The following PLEKHA5 variants were observed in gnomAD, a reference collection of about 807,000 sequenced individuals.
The protein encoded by PLEKHA5 is pleckstrin homology domain containing A5, also known as pleckstrin homology domain-containing family A member 5.
A neutral mutation model predicts 181.9 loss-of-function variants in PLEKHA5; 55 were observed. The ratio of observed to expected loss-of-function variants is 0.30; its 90% CI spans 0.24 to 0.38. The LOEUF (loss-of-function observed/expected upper bound fraction) is 0.38. PLEKHA5 is among the 10% of genes least tolerant of loss of function. The pLI, the probability that PLEKHA5 is intolerant of heterozygous loss-of-function variation, is 1.00. For missense variants in PLEKHA5, 1,432 were observed against 1,549.5 expected (o/e 0.92, Z 1.27); for synonymous variants, 535 against 529.4 (o/e 1.01, Z -0.15).
Position 19,348,469 on chromosome 12 carries a change from G to C in PLEKHA5, c.2969G>C (p.Gly990Ala). The change falls in exon 25 of 32, where the codon GGA (glycine) becomes GCA (alanine). Residue 990 changes from glycine to alanine, a missense_variant. Gly to Ala is a moderately conservative substitution (Grantham distance 60, BLOSUM62 0). Around this residue, in one of 2 missense-constraint regions of PLEKHA5, gnomAD observed 1,143 missense variants for 1,168.4 expected, o/e 0.98. Coordinates refer to ENST00000429027, the MANE Select transcript of PLEKHA5 (RefSeq NM_001256470.2). ...GTGGCAGAAGTTGATGAATCTAATG[G>C]AGAAGAAAAATCAGAACCTGTTTCA... is the stretch of plus-strand genomic sequence containing the variant. ...TTVAEVDESN[G>A]EEKSEPVSEI... 1 of 1,584,446 alleles carries C rather than the reference G, an allele frequency of 6.3e-7. No homozygotes were observed.
At chr12:19,269,931 A>G in intron 9 of PLEKHA5, 46 bp downstream of exon 9, 2 of 993,062 alleles carry the variant, frequency 2.0e-6, no homozygotes, top group Non-Finnish European at 3.2e-6. Context: ...CTTCCATTTT[A>G]TTCCATGCCT....
intron 3 of PLEKHA5, among the ~76,000 whole-genome samples, chr12:19,219,916 A>C (rs2152292096): frequency 6.6e-6 from 1 of 152,310 alleles, no homozygotes; most frequent in East Asian, 1.9e-4. Context: ...TAATACTTTC[A>C]AAACAATTTT....
chr12:19,368,497 A>G (rs575783079), intron 30 of PLEKHA5, among the ~76,000 whole-genome samples: 33 of 151,714 alleles, frequency 2.2e-4, no homozygotes, highest in Admixed American at 6.6e-4. Flanking sequence ...CCCTGTCTCA[A>G]AAAATAAATA....
chr12:19,300,268 A>T (rs910236720), intron 15 of PLEKHA5, among the ~76,000 whole-genome samples: 2 of 152,196 alleles, frequency 1.3e-5, no homozygotes, highest in Non-Finnish European at 2.9e-5. Flanking sequence ...AAGTTAATGG[A>T]TCATTCTGTT....
chr12:19,350,589 C>G (rs1300908019), intron 25 of PLEKHA5, among the ~76,000 whole-genome samples: 2 of 151,996 alleles, frequency 1.3e-5, no homozygotes, highest in African/African-American at 4.8e-5. Context: ...GCCAACATGG[C>G]GAAGCCCCAT....
intron 3 of PLEKHA5, among the ~76,000 whole-genome samples, chr12:19,172,296 A>G (rs1275184384): frequency 6.6e-6 from 1 of 152,160 alleles, no homozygotes; most frequent in African/African-American, 2.4e-5. Flanking sequence ...TGTCCGCCCC[A>G]TTATAATCTT....
At chr12:19,229,652 AAAG>A (rs2060181753) in intron 3 of PLEKHA5, among the ~76,000 whole-genome samples, 1 of 152,152 alleles carries the variant, frequency 6.6e-6, no homozygotes, top group Non-Finnish European at 1.5e-5. Context: ...GATATATCGC[AAAG>A]AGCGAAAGAA....
At chr12:19,239,187 G>C (rs1198545203) in intron 3 of PLEKHA5, among the ~76,000 whole-genome samples, 6 of 152,152 alleles carry the variant, frequency 3.9e-5, no homozygotes, top group African/African-American at 7.2e-5. Flanking sequence ...AGGATATCTT[G>C]ATCTTTGCAT....
chr12:19,243,197 T>C (rs1364635200), intron 3 of PLEKHA5: 1 of 152,194 alleles, frequency 6.6e-6, no homozygotes, highest in East Asian at 1.9e-4. Context: ...GAACAGAAGA[T>C]GAAAGGCAGA....
chr12:19,151,618 A>G (rs965009993), intron 3 of PLEKHA5: 4 of 152,164 alleles, frequency 2.6e-5, no homozygotes, highest in African/African-American at 9.7e-5. Flanking sequence ...AGCAGCTTCC[A>G]TATTTTCACT....
At chr12:19,367,671 C>T (rs552855752) in intron 30 of PLEKHA5, among the ~76,000 whole-genome samples, 6 of 152,122 alleles carry the variant, frequency 3.9e-5, no homozygotes, top group African/African-American at 1.4e-4. Flanking sequence ...GCTCCGCCTC[C>T]TGGGTTCATG....
rs568033515 is a variant in PLEKHA5 at position 19,346,908 on chromosome 12, T to G, written c.2710-86T>G. On this transcript the variant is annotated intron_variant, in intron 23 of 31. Coordinates refer to ENST00000429027, the MANE Select transcript of PLEKHA5 (RefSeq NM_001256470.2). Reference sequence around the variant, plus strand: ...TCCCTTTTAGTATCTTAAAGTAAATTTAAGTTAATATACCATTGCAAAGAA... The same window carrying G: ...TCCCTTTTAGTATCTTAAAGTAAATGTAAGTTAATATACCATTGCAAAGAA... 28 of 870,154 alleles carry G rather than the reference T, an allele frequency of 3.2e-5. 1 individual carries two copies. The Admixed American group carries it at 7.7e-4, about 24-fold the overall frequency. The allele number at this position is 870,154 out of a possible 1,614,324, so 53.9% of individuals were successfully genotyped here. A position where few individuals can be genotyped will look rare whatever the true frequency, so the allele number is the denominator to read the frequency against.
intron 3 of PLEKHA5, among the ~76,000 whole-genome samples, chr12:19,170,608 C>G (rs1260538879): frequency 6.6e-6 from 1 of 152,066 alleles, no homozygotes; most frequent in Non-Finnish European, 1.5e-5. Context: ...TTAGTAGAGA[C>G]GAGGTTTCAC....
In PLEKHA5 at chr12:19,329,027, C is replaced by T. The variant is rs371548885; in HGVS notation, c.2448+6360C>T. On this transcript the variant is annotated intron_variant, in intron 20 of 31. Transcript: ENST00000429027. ...ATATTCCTTCAATATGGATTTATTTCGTAAGGGTTTTTATCATGAAGAGAT... is the reference window on the plus strand; with the variant it reads ...ATATTCCTTCAATATGGATTTATTTTGTAAGGGTTTTTATCATGAAGAGAT... Among the ~76,000 whole-genome samples the T allele has an allele frequency of 3.9e-4, 59 of 152,194 alleles. 1 individual carries two copies. The South Asian group carries it at 0.01, about 27-fold the overall frequency.
chr12:19,293,180 A>G (rs931149339), intron 15 of PLEKHA5, among the ~76,000 whole-genome samples: 1 of 152,186 alleles, frequency 6.6e-6, no homozygotes, highest in African/African-American at 2.4e-5. Context: ...TCATATTTAT[A>G]TTTGCCTGTT....
At position 19,376,148 on chromosome 12, in the gene PLEKHA5, T is replaced by TA. The variant is rs35786136; in HGVS notation, c.*643dup. The TA allele has an allele frequency of 0.12, 17,054 of 142,558 alleles. 985 individuals carry two copies. The highest frequency in any genetic ancestry group is 0.21 in the Middle Eastern group (58 of 278). The allele number at this position is 142,558 out of a possible 1,614,324, so 8.8% of individuals were successfully genotyped here. Reference sequence around the variant, plus strand: ...ACAAATGTTACTGCTTATCTTTTCTTAAAAAAAAAAAAAACAAAGTGTAGG... The same window carrying TA: ...ACAAATGTTACTGCTTATCTTTTCTTAAAAAAAAAAAAAAACAAAGTGTAGG... On this transcript the variant is annotated 3_prime_UTR_variant, in exon 32 of 32. Transcript: ENST00000429027.
chr12:19,265,770 C>A lies in PLEKHA5; in HGVS notation c.631C>A (p.Leu211Met). 1 of 1,581,248 alleles carries A rather than the reference C, an allele frequency of 6.3e-7. No individual in the cohort carries two copies. Among genetic ancestry groups the A allele is most frequent in the Non-Finnish European group, 8.7e-7 (1 of 1,152,394 alleles). Residue 211 changes from leucine (L) to methionine (M), a missense_variant, in exon 8 of 32, where the codon CTG becomes ATG. Coordinates refer to ENST00000429027, the MANE Select transcript of PLEKHA5 (RefSeq NM_001256470.2). ...CTTAGATGAGAAAGAAGAGGGTATC[C>A]TGGGAAGCATACTGTTACCTAGTTT... ...YYRDEKEEGI[L>M]GSILLPSFQI...
chr12:19,272,577 A>C (rs1365317705), intron 10 of PLEKHA5, among the ~76,000 whole-genome samples: 3 of 152,064 alleles, frequency 2.0e-5, no homozygotes, highest in Non-Finnish European at 4.4e-5. Flanking sequence ...GTCTCTAAAA[A>C]AATTTAAAAA....
chr12:19,324,523 A>G (rs575285202), intron 20 of PLEKHA5, among the ~76,000 whole-genome samples: 20 of 152,328 alleles, frequency 1.3e-4, no homozygotes, highest in Admixed American at 1.1e-3. Flanking sequence ...ACTCAAATCC[A>G]GATCTTCTTA....
Sources: allele counts gnomAD v4.1 joint callset (sites outside exome capture counted in the v4.1 genomes callset), GRCh38; gene constraint gnomAD v4.1.1; regional missense constraint gnomAD v4.1.1; transcripts MANE v1.5; gene names NCBI Gene and HGNC (gene_info 2026-07-23, HGNC 2026-07-21).